SUGCT: variants seen among roughly 807,000 people sequenced by gnomAD.
SUGCT encodes succinyl-CoA:glutarate CoA-transferase.
A neutral mutation model predicts 55.0 loss-of-function variants in SUGCT; 41 were observed. The ratio of observed to expected loss-of-function variants is 0.74; its 90% confidence interval spans 0.58 to 0.97. The LOEUF (loss-of-function observed/expected upper bound fraction) is 0.97. Ranked by LOEUF, SUGCT falls within the 50% of genes least tolerant of loss-of-function variation. The pLI, the probability that SUGCT is intolerant of heterozygous loss-of-function variation, is 0.00. For synonymous variants in SUGCT, 187 were observed against 200.4 expected (o/e 0.93, Z 0.56); for missense variants, 568 against 547.8 (o/e 1.04, Z -0.37).
intron 9 of SUGCT, among the ~76,000 whole-genome samples, chr7:40,357,176 G>A (rs1326880273): frequency 6.6e-6 from 1 of 152,112 alleles, no homozygotes; most frequent in Non-Finnish European, 1.5e-5. Flanking sequence ...TTAAGATAGT[G>A]TGTTTTAAAT....
the SUGCT span, among the ~76,000 whole-genome samples, chr7:40,924,785 G>T: frequency 6.6e-6 from 1 of 152,226 alleles, no homozygotes; most frequent in East Asian, 1.9e-4. Context: ...AACAAAGGAA[G>T]AAAACATAGG....
chr7:40,790,342 A>G (rs556056978), intron 13 of SUGCT, among the ~76,000 whole-genome samples: 3 of 152,286 alleles, frequency 2.0e-5, no homozygotes, highest in Admixed American at 6.5e-5. Flanking sequence ...CCCTTCCACC[A>G]TGATTATAAG....
chr7:40,540,118 G>A (rs1794593068), intron 12 of SUGCT, among the ~76,000 whole-genome samples: 2 of 152,106 alleles, frequency 1.3e-5, no homozygotes, highest in Admixed American at 6.5e-5. Context: ...ATTTTGCAAG[G>A]AAAATCTTCC....
chr7:40,437,576 C>T (rs1177676573), intron 9 of SUGCT, among the ~76,000 whole-genome samples: 1 of 152,118 alleles, frequency 6.6e-6, no homozygotes, highest in Non-Finnish European at 1.5e-5. Flanking sequence ...CCATAGATGA[C>T]ACTGTTCTTA....
the SUGCT span, among the ~76,000 whole-genome samples, chr7:40,885,969 C>A: frequency 5.3e-5 from 8 of 152,268 alleles, no homozygotes; most frequent in African/African-American, 1.9e-4. Context: ...CTTTACCTTT[C>A]CCCCGACTTT....
chr7:40,582,763 C>T lies in SUGCT; in HGVS notation c.1089+86377C>T, dbSNP rs933032500. On this transcript the variant is annotated intron_variant, in intron 12 of 13. Coordinates refer to ENST00000335693, the MANE Select transcript of SUGCT (RefSeq NM_001193313.2). The stretch of plus-strand genomic sequence containing the variant: ...TCATCTATACATTAAGGAAACTCTT[C>T]GTAGCTTCCTCATTGGGTGGGCCCT... 5.6e-4 allele frequency among the ~76,000 whole-genome samples: 85 copies of T among 152,176 alleles called. 1 individual carries two copies. The highest frequency in any genetic ancestry group is 1.5e-4 in the Non-Finnish European group (10 of 68,040).
At chr7:40,338,533 A>T (rs992638589) in intron 9 of SUGCT, among the ~76,000 whole-genome samples, 149 of 152,276 alleles carry the variant, frequency 9.8e-4, no homozygotes, top group African/African-American at 3.2e-3. Context: ...CTTCCAGTGG[A>T]TCGAATCGGC....
At chr7:40,559,738 G>T (rs944299716) in intron 12 of SUGCT, among the ~76,000 whole-genome samples, 1 of 152,198 alleles carries the variant, frequency 6.6e-6, no homozygotes. Context: ...GTGTGGGATG[G>T]AGAACTGACC....
intron 1 of SUGCT, among the ~76,000 whole-genome samples, chr7:40,150,352 C>T (rs1176490540): frequency 6.6e-6 from 1 of 152,174 alleles, no homozygotes; most frequent in Non-Finnish European, 1.5e-5. Context: ...CTCCCCCAGT[C>T]CTCACCAAGT....
chr7:40,561,667 G>A (rs754609648), intron 12 of SUGCT, among the ~76,000 whole-genome samples: 29 of 151,118 alleles, frequency 1.9e-4, no homozygotes, highest in Non-Finnish European at 4.1e-4. Context: ...TTCGCCAGAG[G>A]TGGAGATGCT....
intron 8 of SUGCT, among the ~76,000 whole-genome samples, chr7:40,294,477 A>G (rs1396403993): frequency 6.6e-6 from 1 of 152,180 alleles, no homozygotes; most frequent in African/African-American, 2.4e-5. Context: ...CTGGTCACAT[A>G]TTGGTTCCAG....
intron 9 of SUGCT, among the ~76,000 whole-genome samples, chr7:40,371,726 CTTAA>C (rs139219140): frequency 0.53 from 79,709 of 151,266 alleles, 21,274 homozygotes; most frequent in South Asian, 0.64. Context: ...TCCTTATTGT[CTTAA>C]TTGTCACTGT....
At chr7:40,418,463 C>T (rs141428571) in intron 9 of SUGCT, among the ~76,000 whole-genome samples, 1 of 152,250 alleles carries the variant, frequency 6.6e-6, no homozygotes, top group East Asian at 1.9e-4. Context: ...TTTTTATTAC[C>T]AGCTTTACAT....
rs1584542567 is a variant in SUGCT at position 40,277,891 on chromosome 7, A to G, written c.720+3235A>G. Among the ~76,000 whole-genome samples the G allele has an allele frequency of 2.6e-5, 4 of 151,018 alleles. No individual in the cohort carries two copies. In the East Asian group the frequency reaches 7.8e-4, roughly 30 times the overall value. On this transcript the variant is annotated intron_variant, in intron 8 of 13. Coordinates refer to ENST00000335693, the MANE Select transcript of SUGCT (RefSeq NM_001193313.2). ...GTGTGGTGTTCCCCTTCCTGTCTCCATGTGTTGTCATTGTTCAATTCCCAT... is the reference window on the plus strand; with the variant it reads ...GTGTGGTGTTCCCCTTCCTGTCTCCGTGTGTTGTCATTGTTCAATTCCCAT...
At chr7:40,339,401 G>A (rs1476558298) in intron 9 of SUGCT, among the ~76,000 whole-genome samples, 3 of 152,126 alleles carry the variant, frequency 2.0e-5, no homozygotes, top group African/African-American at 7.2e-5. Context: ...CACCTGGTTC[G>A]AGCTTCCTGG....
intron 12 of SUGCT, among the ~76,000 whole-genome samples, chr7:40,542,464 G>T (rs1794746076): frequency 6.6e-6 from 1 of 152,062 alleles, no homozygotes; most frequent in Non-Finnish European, 1.5e-5. Context: ...GCGATGATGT[G>T]GTTAAAGTAG....
At chr7:40,215,332 T>A (rs1787565507) in intron 6 of SUGCT, among the ~76,000 whole-genome samples, 1 of 152,072 alleles carries the variant, frequency 6.6e-6, no homozygotes, top group Admixed American at 6.6e-5. Context: ...ATTTTATTTT[T>A]TTGTAGAGAC....
the SUGCT span, among the ~76,000 whole-genome samples, chr7:40,870,062 G>C: frequency 6.6e-6 from 1 of 152,058 alleles, no homozygotes; most frequent in East Asian, 1.9e-4. Flanking sequence ...ATATTTTGGG[G>C]AAATATTCTG....
chr7:40,454,939 T>C (rs1789396608), intron 10 of SUGCT, among the ~76,000 whole-genome samples: 1 of 152,126 alleles, frequency 6.6e-6, no homozygotes, highest in South Asian at 2.1e-4. Flanking sequence ...GTAACGTAAA[T>C]AGTAAATATC....
Sources: gnomAD v4.1 joint callset for allele counts (sites outside exome capture counted in the v4.1 genomes callset) on GRCh38, gnomAD v4.1.1 for gene constraint, MANE v1.5 for transcripts, NCBI Gene and HGNC (gene_info 2026-07-23, HGNC 2026-07-21) for gene names.